FOXN3: variants seen among roughly 807,000 people sequenced by gnomAD.
FOXN3 encodes forkhead box protein N3.
FOXN3 carries 7 observed loss-of-function variants against 38.4 expected under a neutral mutation model. That is an observed-to-expected ratio of 0.18 (90% CI 0.10 to 0.34). The LOEUF is 0.34. Ranked by LOEUF, FOXN3 falls within the 10% of genes least tolerant of loss-of-function variation. The pLI is 1.00. For missense variants in FOXN3, 456 were observed against 613.4 expected, an observed-to-expected ratio of 0.74 and a Z score of 2.71; for synonymous variants, 230 against 242.2, an observed-to-expected ratio of 0.95 and a Z score of 0.47.
chr14:89,214,093 T>G (rs1312422981), intron 4 of FOXN3, among the ~76,000 whole-genome samples: 2 of 152,256 alleles, frequency 1.3e-5, no homozygotes, highest in Non-Finnish European at 2.9e-5. Flanking sequence ...TAATTCAGTG[T>G]GCCTTCTCTC....
intron 4 of FOXN3, among the ~76,000 whole-genome samples, chr14:89,278,055 G>A (rs541816136): frequency 1.3e-5 from 2 of 151,910 alleles, no homozygotes; most frequent in East Asian, 1.9e-4. Context: ...TCCTCTACAC[G>A]ACAGGGCACC....
chr14:89,495,635 C>T (rs1051800372), intron 1 of FOXN3, among the ~76,000 whole-genome samples: 1 of 152,192 alleles, frequency 6.6e-6, no homozygotes, highest in Non-Finnish European at 1.5e-5. Flanking sequence ...ATGAAAACTG[C>T]AGTCCCTTCC....
At chr14:89,180,029 G>C (rs1311576356) in intron 5 of FOXN3, among the ~76,000 whole-genome samples, 1 of 152,216 alleles carries the variant, frequency 6.6e-6, no homozygotes, top group African/African-American at 2.4e-5. Context: ...GGCAGGAGTG[G>C]GTGTAGAAGC....
intron 2 of FOXN3, chr14:89,353,313 T>C (rs924585166): frequency 6.6e-6 from 1 of 152,026 alleles, no homozygotes; most frequent in African/African-American, 2.4e-5. Flanking sequence ...ATCATGAAAA[T>C]CTCCTTTTGG....
intron 2 of FOXN3, among the ~76,000 whole-genome samples, chr14:89,363,988 A>ATATAT (rs1420813459): frequency 3.5e-4 from 18 of 52,030 alleles, no homozygotes; most frequent in Non-Finnish European, 4.9e-4. Flanking sequence ...ATATATATAT[A>ATATAT]ATATATATAT....
At chr14:89,587,538 G>A (rs1378819921) in intron 1 of FOXN3, among the ~76,000 whole-genome samples, 1 of 152,126 alleles carries the variant, frequency 6.6e-6, no homozygotes, top group Non-Finnish European at 1.5e-5. Context: ...TTAAACCACT[G>A]TGTGGGAGAA....
chr14:89,222,142 T>C (rs1257851307), intron 4 of FOXN3, among the ~76,000 whole-genome samples: 1 of 152,172 alleles, frequency 6.6e-6, no homozygotes, highest in Admixed American at 6.5e-5. Context: ...GAGAACTTAG[T>C]TGTCACCGTG....
intron 1 of FOXN3, among the ~76,000 whole-genome samples, chr14:89,555,743 G>A: frequency 6.6e-6 from 1 of 151,948 alleles, no homozygotes; most frequent in Non-Finnish European, 1.5e-5. Context: ...ATAGCCAAAA[G>A]AGCCAAGGTT....
chr14:89,256,462 C>T (rs191734266), intron 4 of FOXN3, among the ~76,000 whole-genome samples: 103 of 152,228 alleles, frequency 6.8e-4, no homozygotes, highest in Admixed American at 2.2e-3. Flanking sequence ...GCTGGGTGGA[C>T]GTCTATTTTG....
intron 4 of FOXN3, among the ~76,000 whole-genome samples, chr14:89,205,723 G>A (rs1888365016): frequency 6.6e-6 from 1 of 152,264 alleles, no homozygotes. Flanking sequence ...GCCGCCTGCA[G>A]ATGGCAAAAC....
At chr14:89,379,653 T>G (rs10139806) in intron 2 of FOXN3, among the ~76,000 whole-genome samples, 13,276 of 152,176 alleles carry the variant, frequency 0.087, 1,336 homozygotes, top group African/African-American at 0.25. Flanking sequence ...ATTTTTATTT[T>G]TCATTATTAT....
intron 3 of FOXN3, among the ~76,000 whole-genome samples, chr14:89,289,776 A>G (rs1333282417): frequency 6.6e-6 from 1 of 152,230 alleles, no homozygotes; most frequent in Non-Finnish European, 1.5e-5. Flanking sequence ...ACGATAAGAA[A>G]AAAACTGTAC....
chr14:89,453,149 A>G (rs2139714626), intron 1 of FOXN3, among the ~76,000 whole-genome samples: 1 of 152,268 alleles, frequency 6.6e-6, no homozygotes, highest in South Asian at 2.1e-4. Flanking sequence ...CAGCGAGCCG[A>G]GACGGCGCCA....
rs764906969 is a variant in FOXN3 at position 89,412,240 on chromosome 14, C to G, written c.237G>C (p.Ser79=). The part of the protein sequence containing the change: ...SKNLLKSFGE[S]VLRSVSPVQD... ...GGACGGGGCTGACACTCCTGAGGAC[C>G]GACTCCCCAAAGCTCTTCAGCAAGT... Residue 79 remains serine (S), a synonymous_variant, in exon 2 of 6, where the codon TCG becomes TCC. Coordinates refer to ENST00000557258, the MANE Select transcript of FOXN3 (RefSeq NM_005197.4). This position sits in a 1 kb window ranked among gnomAD's most constrained non-coding sequence, Gnocchi z 4.7. 6.2e-7 allele frequency: 1 copy of G among 1,614,036 alleles called. No individual in the cohort carries two copies.
intron 1 of FOXN3, among the ~76,000 whole-genome samples, chr14:89,475,450 G>A (rs1257297103): frequency 6.6e-6 from 1 of 152,058 alleles, no homozygotes; most frequent in Non-Finnish European, 1.5e-5. Flanking sequence ...GAGCTCAGGA[G>A]TTCAAGATCA....
At chr14:89,466,987 G>A (rs1458287026) in intron 1 of FOXN3, among the ~76,000 whole-genome samples, 1 of 152,214 alleles carries the variant, frequency 6.6e-6, no homozygotes, top group Admixed American at 6.5e-5. Context: ...TGATCACAGC[G>A]CCTGACACAA....
chr14:89,194,906 T>C (rs1888059393), intron 4 of FOXN3, among the ~76,000 whole-genome samples: 1 of 152,180 alleles, frequency 6.6e-6, no homozygotes, highest in African/African-American at 2.4e-5. Context: ...TGCAAATCTA[T>C]TTTTTTAAAA....
rs1896094657 is a variant in FOXN3 at position 89,598,116 on chromosome 14, C to T, written c.-15+20912G>A. ...TAAACTTTAAAACATGCATCCTTAA[C>T]TTATCAATGACAACACAACTTCGTT... is the stretch of plus-strand genomic sequence containing the variant. On this transcript the variant is annotated intron_variant, in intron 1 of 6. Coordinates refer to the FOXN3 transcript ENST00000345097. Among the ~76,000 whole-genome samples the T allele has an allele frequency of 2.6e-5, 4 of 152,188 alleles. No individual in the cohort carries two copies. In the South Asian group the frequency reaches 8.3e-4, roughly 32 times the overall value.
intron 1 of FOXN3, among the ~76,000 whole-genome samples, chr14:89,487,706 C>A (rs243224): frequency 0.54 from 82,556 of 151,900 alleles, 24,027 homozygotes; most frequent in Non-Finnish European, 0.66. Context: ...AAAGAACCGG[C>A]CCTCGAGAAA....
Sources: gnomAD v4.1 joint callset for allele counts (sites outside exome capture counted in the v4.1 genomes callset) on GRCh38, gnomAD v4.1.1 for gene constraint, Gnocchi (gnomAD v3.1) non-coding constraint, MANE v1.5 for transcripts, NCBI Gene and HGNC (gene_info 2026-07-23, HGNC 2026-07-21) for gene names.